PCDHA4: variants seen among roughly 807,000 people sequenced by gnomAD.
PCDHA4 encodes the protein protocadherin alpha-4.
Under a neutral mutation model 61.4 loss-of-function variants are expected in PCDHA4, and 49 were observed. The ratio of observed to expected loss-of-function variants is 0.80; its 90% CI spans 0.63 to 1.01. The LOEUF is 1.01. Ranked by LOEUF, PCDHA4 falls within the 50% of genes least tolerant of loss-of-function variation. The pLI is 0.00. For synonymous variants in PCDHA4, 590 were observed against 550.3 expected, an observed-to-expected ratio of 1.07 and a Z score of -1.01; for missense variants, 1,254 against 1,235.8, an observed-to-expected ratio of 1.01 and a Z score of -0.22.
intron 1 of PCDHA4, among the ~76,000 whole-genome samples, chr5:140,899,982 A>T (rs185115696): frequency 3.3e-4 from 49 of 150,716 alleles, no homozygotes; most frequent in African/African-American, 1.1e-3. Flanking sequence ...TACTTTTTTG[A>T]TTTTTTTTGT....
At chr5:140,964,567 A>G (rs2095840776) in intron 1 of PCDHA4, among the ~76,000 whole-genome samples, 1 of 152,080 alleles carries the variant, frequency 6.6e-6, no homozygotes. Context: ...GGCTGGGAGG[A>G]GATAAGGGGA....
chr5:140,896,465 C>A (rs967658819), intron 1 of PCDHA4, among the ~76,000 whole-genome samples: 2 of 151,988 alleles, frequency 1.3e-5, no homozygotes, highest in Non-Finnish European at 2.9e-5. Flanking sequence ...TGGGTTCAAG[C>A]GGTTCTCCTG....
At chr5:140,966,454 C>T (rs897696652) in intron 1 of PCDHA4, 6 of 426,406 alleles carry the variant, frequency 1.4e-5, no homozygotes, top group Admixed American at 4.4e-5. Flanking sequence ...TCCCCCTCCC[C>T]CTCTGTCTTC....
rs374028253 is a variant in PCDHA4, at chr5:140,876,864, G to C, written c.2385+67292G>C. ...CGCAGCCCGAGTACACAGTGTTCGT[G>C]AAGGAGAACAACCCGCCGGGCTGCC... is the stretch of plus-strand genomic sequence containing the variant. On this transcript the variant is annotated intron_variant, in intron 1 of 3. Transcript: ENST00000530339. The C allele has an allele frequency of 5.1e-5, 82 of 1,614,026 alleles. No individual in the cohort carries two copies. The African/African-American group carries it at 1.0e-3, about 20-fold the overall frequency.
chr5:140,951,933 A>T (rs2094659165), intron 1 of PCDHA4, among the ~76,000 whole-genome samples: 1 of 152,164 alleles, frequency 6.6e-6, no homozygotes, highest in African/African-American at 2.4e-5. Context: ...TACTCCCAAG[A>T]TACAGTGCGG....
intron 3 of PCDHA4, among the ~76,000 whole-genome samples, chr5:141,000,423 T>TC (rs2097932931): frequency 9.0e-5 from 6 of 66,856 alleles, no homozygotes; most frequent in African/African-American, 3.6e-4. Flanking sequence ...ATATATATAT[T>TC]TTTTTTTTTT....
chr5:140,954,836 A>T (rs1185482098), intron 1 of PCDHA4, among the ~76,000 whole-genome samples: 1 of 152,086 alleles, frequency 6.6e-6, no homozygotes, highest in Non-Finnish European at 1.5e-5. Context: ...TTTGTCATGA[A>T]ATCTTTGCCT....
intron 1 of PCDHA4, among the ~76,000 whole-genome samples, chr5:140,951,667 C>T (rs180768474): frequency 6.6e-6 from 1 of 152,156 alleles, no homozygotes; most frequent in African/African-American, 2.4e-5. Context: ...GGCCTGCCTA[C>T]AAAATTGGGG....
chr5:140,937,260 A>G (rs1427466170), intron 1 of PCDHA4, among the ~76,000 whole-genome samples: 1 of 151,830 alleles, frequency 6.6e-6, no homozygotes, highest in Non-Finnish European at 1.5e-5. Flanking sequence ...GATGGTCTCG[A>G]TCTCCTGACC....
intron 1 of PCDHA4, among the ~76,000 whole-genome samples, chr5:140,879,151 T>C (rs1409921025): frequency 6.6e-6 from 1 of 152,216 alleles, no homozygotes; most frequent in Non-Finnish European, 1.5e-5. Flanking sequence ...GCAGGAAAGC[T>C]ATTTCTTTTT....
intron 1 of PCDHA4, chr5:140,856,666 G>C: frequency 1.3e-6 from 2 of 1,598,010 alleles, no homozygotes; most frequent in South Asian, 2.2e-5. Flanking sequence ...AAAATCCTCA[G>C]CTAAAGTTGT....
rs2150110704 is a variant in PCDHA4 at position 140,821,793 on chromosome 5, A to G, written c.2385+12221A>G. The G allele has an allele frequency of 9.3e-6, 15 of 1,612,486 alleles. No homozygotes were observed. The East Asian group carries it at 3.3e-4, about 36-fold the overall frequency. ...AGATTGAGATGGTATATTCCCGGAG[A>G]GGAAGTCTGGGATCCCGGCTCCTGC... On this transcript the variant is annotated intron_variant, in intron 1 of 3. Coordinates refer to ENST00000530339, the MANE Select transcript of PCDHA4 (RefSeq NM_018907.4).
At chr5:140,825,993 T>TA (rs1348661187) in intron 1 of PCDHA4, 1 of 152,282 alleles carries the variant, frequency 6.6e-6, no homozygotes, top group East Asian at 1.9e-4. Context: ...TTATAGGTAG[T>TA]AAATAGTCCA....
At position 140,807,847 on chromosome 5, in the gene PCDHA4, C is replaced by T. The variant is rs782247861; in HGVS notation, c.660C>T (p.Pro220=). ...LVLTATDGGK[P]ELTGTVQLLI... ...TCACAGCCACTGATGGAGGCAAACCCGAGTTGACTGGCACCGTTCAGTTAC... is the reference window on the plus strand; with the variant it reads ...TCACAGCCACTGATGGAGGCAAACCTGAGTTGACTGGCACCGTTCAGTTAC... Residue 220 remains proline (P), a synonymous_variant, in exon 1 of 4, where the codon CCC becomes CCT. Coordinates refer to ENST00000530339, the MANE Select transcript of PCDHA4 (RefSeq NM_018907.4). 1.2e-6 allele frequency: 2 copies of T among 1,614,116 alleles called. No individual in the cohort carries two copies. The highest frequency in any genetic ancestry group is 2.2e-5 in the East Asian group (1 of 44,876).
At chr5:140,847,907 G>A (rs1382630949) in intron 1 of PCDHA4, 1 of 149,326 alleles carries the variant, frequency 6.7e-6, no homozygotes, top group Non-Finnish European at 1.5e-5. Flanking sequence ...TAGATTTCTG[G>A]GCTCCTATAT....
intron 1 of PCDHA4, among the ~76,000 whole-genome samples, chr5:140,905,764 A>G (rs2072069491): frequency 6.6e-6 from 1 of 152,144 alleles, no homozygotes; most frequent in African/African-American, 2.4e-5. Flanking sequence ...TTGGTTAAGT[A>G]TATTCCGAAG....
chr5:140,942,280 C>T (rs1157451404), intron 1 of PCDHA4, among the ~76,000 whole-genome samples: 6 of 152,030 alleles, frequency 3.9e-5, no homozygotes, highest in African/African-American at 1.5e-4. Context: ...AATGGTGGCT[C>T]ATGCCTGTAA....
At chr5:140,942,679 G>T (rs549826522) in intron 1 of PCDHA4, among the ~76,000 whole-genome samples, 8 of 151,904 alleles carry the variant, frequency 5.3e-5, no homozygotes, top group Non-Finnish European at 8.8e-5. Flanking sequence ...AAAGTTTTAG[G>T]AATAACTTTA....
chr5:140,824,610 G>GTTTTTTTTT (rs2150135229), intron 1 of PCDHA4: 2,160 of 95,054 alleles, frequency 0.023, 363 homozygotes, highest in African/African-American at 0.035. Context: ...GCTAATTAAA[G>GTTTTTTTTT]TTTTTTTTTT....
Sources: gnomAD v4.1 joint callset for allele counts (sites outside exome capture counted in the v4.1 genomes callset) on GRCh38, gnomAD v4.1.1 for gene constraint, MANE v1.5 for transcripts, NCBI Gene and HGNC (gene_info 2026-07-23, HGNC 2026-07-21) for gene names.